Variants in ERBB4 observed in about 807,000 individuals in gnomAD.
ERBB4 encodes receptor tyrosine-protein kinase erbB-4.
In ERBB4, 42 loss-of-function variants were observed where a neutral mutation model predicts 158.0. The observed-to-expected ratio is 0.27, with a 90% CI of 0.21 to 0.34. The LOEUF is 0.34. Among genes scored for constraint, ERBB4 ranks in the 10% least tolerant of loss-of-function variants. The pLI is 1.00. For missense variants in ERBB4, 1,333 were observed against 1,624.1 expected (o/e 0.82, Z 3.08); for synonymous variants, 583 against 558.7 (o/e 1.04, Z -0.61).
At chr2:212,462,358 G>T (rs538656537) in intron 1 of ERBB4, among the ~76,000 whole-genome samples, 17 of 152,296 alleles carry the variant, frequency 1.1e-4, no homozygotes, top group South Asian at 1.0e-3. Context: ...CTATTCATCT[G>T]TCAGGGACTA....
intron 2 of ERBB4, among the ~76,000 whole-genome samples, chr2:211,974,982 T>A (rs1178498563): frequency 6.6e-6 from 1 of 150,838 alleles, no homozygotes. Context: ...AGAAATATTA[T>A]ATCCATCACT....
intron 1 of ERBB4, among the ~76,000 whole-genome samples, chr2:212,188,239 C>CTCCT (rs1553585903): frequency 7.0e-5 from 1 of 14,352 alleles, no homozygotes; most frequent in African/African-American, 2.7e-4. Context: ...TCTCTCCCCC[C>CTCCT]CCCTCTCACC....
chr2:211,465,544 T>C (rs1240616312), intron 20 of ERBB4, among the ~76,000 whole-genome samples: 3 of 152,074 alleles, frequency 2.0e-5, no homozygotes, highest in Admixed American at 2.0e-4. Flanking sequence ...TAAAATCAGA[T>C]GTTCACCTAC....
At position 211,515,895 on chromosome 2, in the gene ERBB4, A is replaced by ATT. The variant is rs35617835; in HGVS notation, c.2487+46006_2487+46007dup. ...TTTAGTAACTTATATAAAAACATATATTATATATATATATATATTTTTTTT... is the reference window on the plus strand; with the variant it reads ...TTTAGTAACTTATATAAAAACATATATTTTATATATATATATATATTTTTTTT... On this transcript the variant is annotated intron_variant, in intron 20 of 27. Coordinates refer to ENST00000342788, the MANE Select transcript of ERBB4 (RefSeq NM_005235.3). 4.1e-3 allele frequency among the ~76,000 whole-genome samples: 427 copies of ATT among 105,078 alleles called. 1 individual carries two copies. The highest frequency in any genetic ancestry group is 0.015 in the African/African-American group (353 of 22,944). The allele number at this position is 105,078 out of a possible 152,430, so 68.9% of individuals were successfully genotyped here.
At chr2:212,504,958 AT>A (rs1375015261) in intron 1 of ERBB4, among the ~76,000 whole-genome samples, 1 of 152,210 alleles carries the variant, frequency 6.6e-6, no homozygotes, top group Non-Finnish European at 1.5e-5. Flanking sequence ...ATGGTTGTAG[AT>A]TTTTGTAATT....
intron 1 of ERBB4, among the ~76,000 whole-genome samples, chr2:212,206,497 T>G (rs1166879337): frequency 6.6e-6 from 1 of 152,096 alleles, no homozygotes; most frequent in Non-Finnish European, 1.5e-5. Flanking sequence ...TATTATAAAT[T>G]GAATTTTTTA....
intron 3 of ERBB4, among the ~76,000 whole-genome samples, chr2:211,824,043 C>G (rs1289502666): frequency 1.3e-5 from 2 of 152,034 alleles, no homozygotes; most frequent in Non-Finnish European, 2.9e-5. Flanking sequence ...TCTGTCCAGG[C>G]TTGGGCATGG....
rs992892229 is a variant in ERBB4, at chr2:211,706,574, T to A, written c.1125-1183A>T. 2.0e-5 allele frequency among the ~76,000 whole-genome samples: 3 copies of A among 148,046 alleles called. No homozygotes were observed. In the Admixed American group the frequency reaches 2.1e-4, roughly 10 times the overall value. On this transcript the variant is annotated intron_variant, in intron 9 of 27. Coordinates refer to ENST00000342788, the MANE Select transcript of ERBB4 (RefSeq NM_005235.3). ...GGTTCATCAGCATATTCTTCTCTAC[T>A]GGAAACCATTCCACATCTTAAAAAA...
At chr2:211,867,088 G>A (rs1232873278) in intron 3 of ERBB4, among the ~76,000 whole-genome samples, 1 of 144,752 alleles carries the variant, frequency 6.9e-6, no homozygotes, top group African/African-American at 2.5e-5. Flanking sequence ...TGTGATATGA[G>A]GAATAAAAGT....
chr2:212,448,586 A>T lies in ERBB4; in HGVS notation c.82+89863T>A, dbSNP rs2092398954. Among the ~76,000 whole-genome samples, 4 of 152,102 alleles carry T rather than the reference A, an allele frequency of 2.6e-5. No individual in the cohort carries two copies. The South Asian group carries it at 6.2e-4, about 24-fold the overall frequency. On this transcript the variant is annotated intron_variant, in intron 1 of 27. Transcript: ENST00000342788. ...ATAAAAGGTATTAACTTTCACTTAA[A>T]AAGGAAATAATGAAAGAAAGAAGCA...
At chr2:212,123,833 T>C (rs974247653) in intron 2 of ERBB4, among the ~76,000 whole-genome samples, 1 of 152,180 alleles carries the variant, frequency 6.6e-6, no homozygotes, top group Non-Finnish European at 1.5e-5. Flanking sequence ...ATCCACTAAC[T>C]GGCTTACTAT....
chr2:212,049,134 T>C (rs1402459500), intron 2 of ERBB4, among the ~76,000 whole-genome samples: 2 of 152,186 alleles, frequency 1.3e-5, no homozygotes, highest in Non-Finnish European at 2.9e-5. Flanking sequence ...CAATAGAAAA[T>C]TAATGCATCC....
chr2:212,537,620 C>G (rs1693165509), intron 1 of ERBB4, among the ~76,000 whole-genome samples: 1 of 152,128 alleles, frequency 6.6e-6, no homozygotes, highest in Admixed American at 6.5e-5. Flanking sequence ...GGCAGCCTGG[C>G]CGGGCAGTAA....
chr2:211,668,957 T>C (rs1258946041), intron 14 of ERBB4, among the ~76,000 whole-genome samples: 1 of 152,014 alleles, frequency 6.6e-6, no homozygotes, highest in Admixed American at 6.6e-5. Flanking sequence ...GTGTGGTGGC[T>C]CACATCTTTA....
chr2:212,155,009 A>G lies in ERBB4; in HGVS notation c.83-30106T>C, dbSNP rs1254670573. The stretch of plus-strand genomic sequence containing the variant: ...GACAGAGAGATTTTAAGCAAAGTTA[A>G]TGGAAACTCAGCGGATGAATGGTGC... On this transcript the variant is annotated intron_variant, in intron 1 of 27. Transcript: ENST00000342788. Among the ~76,000 whole-genome samples the G allele has an allele frequency of 3.3e-5, 5 of 152,180 alleles. No individual in the cohort carries two copies. The South Asian group carries it at 6.2e-4, about 19-fold the overall frequency.
chr2:211,442,644 A>C (rs536924516), intron 20 of ERBB4, among the ~76,000 whole-genome samples: 12 of 151,968 alleles, frequency 7.9e-5, no homozygotes, highest in Admixed American at 2.6e-4. Flanking sequence ...ACACACACGT[A>C]TATATGTGTG....
chr2:211,386,356 T>C (rs1308662239), intron 27 of ERBB4, among the ~76,000 whole-genome samples: 1 of 152,200 alleles, frequency 6.6e-6, no homozygotes, highest in Non-Finnish European at 1.5e-5. Flanking sequence ...TATAAGAACA[T>C]AATATTTTCC....
chr2:211,794,813 T>C (rs891430992), intron 3 of ERBB4, among the ~76,000 whole-genome samples: 2 of 151,898 alleles, frequency 1.3e-5, no homozygotes, highest in Non-Finnish European at 2.9e-5. Context: ...ATCCCATACG[T>C]GTGTCAACGT....
chr2:211,920,916 AT>A (rs1389284948), intron 3 of ERBB4, among the ~76,000 whole-genome samples: 1 of 151,952 alleles, frequency 6.6e-6, no homozygotes. Context: ...GAAAATACAT[AT>A]TTTGAATTAT....
Sources: gnomAD v4.1 joint callset for allele counts (sites outside exome capture counted in the v4.1 genomes callset) on GRCh38, gnomAD v4.1.1 for gene constraint, MANE v1.5 for transcripts, NCBI Gene and HGNC (gene_info 2026-07-23, HGNC 2026-07-21) for gene names.